Variants in MUSK observed in about 807,000 individuals in gnomAD.
The protein encoded by MUSK is muscle associated receptor tyrosine kinase, also known as muscle, skeletal receptor tyrosine-protein kinase.
MUSK carries 55 observed loss-of-function variants against 88.7 expected under a neutral mutation model. That is an observed-to-expected ratio of 0.62 (90% CI 0.50 to 0.78). The LOEUF (loss-of-function observed/expected upper bound fraction) is 0.78. Among genes scored for constraint, MUSK ranks in the 30% least tolerant of loss-of-function variants. The pLI, the probability that MUSK is intolerant of heterozygous loss-of-function variation, is 0.00. For synonymous variants in MUSK, 387 were observed against 391.9 expected, an observed-to-expected ratio of 0.99 and a Z score of 0.15; for missense variants, 1,015 against 1,074.3, an observed-to-expected ratio of 0.94 and a Z score of 0.77.
chr9:110,682,851 G>A, intron 2 of MUSK, 51 bp downstream of exon 2: 1 of 1,310,004 alleles, frequency 7.6e-7, no homozygotes, highest in Non-Finnish European at 1.1e-6. Context: ...TATATAGTAG[G>A]TGTATATATA....
intron 5 of MUSK, among the ~76,000 whole-genome samples, chr9:110,709,922 A>G (rs1176648674): frequency 6.6e-6 from 1 of 152,124 alleles, no homozygotes. Context: ...AGGCAGGAGG[A>G]TTGCTTGAGG....
In MUSK at chr9:110,707,996, C is replaced by G. The variant is rs187752900; in HGVS notation, c.628+10530C>G. On this transcript the variant is annotated intron_variant, in intron 5 of 14. Coordinates refer to ENST00000374448, the MANE Select transcript of MUSK (RefSeq NM_005592.4). ...CTGCACTATCTACCCTTAAGGCCAACAAATCTATTCAGAAACTTTTTATCT... is the reference window on the plus strand; with the variant it reads ...CTGCACTATCTACCCTTAAGGCCAAGAAATCTATTCAGAAACTTTTTATCT... Among the ~76,000 whole-genome samples the G allele has an allele frequency of 2.8e-4, 42 of 152,162 alleles. 1 individual carries two copies. In the East Asian group the frequency reaches 7.1e-3, roughly 26 times the overall value.
chr9:110,785,728 C>A lies in MUSK; in HGVS notation c.1778+10C>A. 1 of 1,570,614 alleles carries A rather than the reference C, an allele frequency of 6.4e-7. No homozygotes were observed. The highest frequency in any genetic ancestry group is 1.2e-5 in the South Asian group (1 of 82,654). ...GGGTGTTTCAAGCAAGGTAAAGTTA[C>A]CTATGGAAAAAAAAACTCCATTGAA... On this transcript the variant is annotated intron_variant, in intron 13 of 14. Transcript: ENST00000374448.
chr9:110,787,571 C>A (rs989315379), intron 13 of MUSK, 119 bp from the exon 14 acceptor site: 60 of 916,924 alleles, frequency 6.5e-5, no homozygotes, highest in Non-Finnish European at 9.2e-5. Flanking sequence ...GGAAAGGCTG[C>A]GTGAGACTTA....
intron 8 of MUSK, among the ~76,000 whole-genome samples, chr9:110,762,677 C>T (rs2077419377): frequency 6.6e-6 from 1 of 152,060 alleles, no homozygotes; most frequent in Non-Finnish European, 1.5e-5. Flanking sequence ...TGCCAAACTC[C>T]CCCTTATAGC....
chr9:110,721,908 A>T (rs1340520161), intron 5 of MUSK, among the ~76,000 whole-genome samples: 1 of 152,196 alleles, frequency 6.6e-6, no homozygotes, highest in East Asian at 1.9e-4. Flanking sequence ...AGATCAGTGG[A>T]ACTGAATTGT....
rs138851017 is a variant in MUSK, at chr9:110,789,142, G to T, written c.1927+1304G>T. 1.4e-4 allele frequency among the ~76,000 whole-genome samples: 21 copies of T among 152,312 alleles called. No homozygotes were observed. The East Asian group carries it at 3.9e-3, about 28-fold the overall frequency. ...ACATGACACAACTCACATTTTTTCA[G>T]ATCTTCTCTGGCTGCTTTCTTGAGC... On this transcript the variant is annotated intron_variant, in intron 14 of 14. Coordinates refer to ENST00000374448, the MANE Select transcript of MUSK (RefSeq NM_005592.4).
At chr9:110,782,931 C>A (rs1407958616) in intron 11 of MUSK, among the ~76,000 whole-genome samples, 1 of 152,116 alleles carries the variant, frequency 6.6e-6, no homozygotes, top group Non-Finnish European at 1.5e-5. Context: ...CAGTGGTGAC[C>A]AGGCCTGGCA....
Position 110,747,625 on chromosome 9 carries a change from T to G in MUSK, c.754-16T>G. On this transcript the variant is annotated splice_polypyrimidine_tract_variant and intron_variant, in intron 6 of 14. Transcript: ENST00000374448. The stretch of plus-strand genomic sequence containing the variant: ...AATCCTTGACTGAGTTCTTTTATTT[T>G]CCTTTACTCTGTCAGGTTTCTTCTG... 1 of 1,600,098 alleles carries G rather than the reference T, an allele frequency of 6.2e-7. No individual in the cohort carries two copies. Among genetic ancestry groups the G allele is most frequent in the Admixed American group, 1.7e-5 (1 of 59,340 alleles).
chr9:110,749,067 T>A (rs988848033), intron 7 of MUSK, among the ~76,000 whole-genome samples: 2 of 152,134 alleles, frequency 1.3e-5, no homozygotes, highest in Admixed American at 6.5e-5. Context: ...TATAATCATA[T>A]AATATAAATA....
At chr9:110,779,017 A>G (rs2077711274) in intron 11 of MUSK, among the ~76,000 whole-genome samples, 1 of 151,644 alleles carries the variant, frequency 6.6e-6, no homozygotes, top group African/African-American at 2.4e-5. Flanking sequence ...ATGATCAGCT[A>G]CTATTTTGCC....
At chr9:110,709,079 A>T (rs1199859658) in intron 5 of MUSK, among the ~76,000 whole-genome samples, 1 of 152,202 alleles carries the variant, frequency 6.6e-6, no homozygotes, top group African/African-American at 2.4e-5. Flanking sequence ...TCCAGGTGCG[A>T]CATGAGACAG....
At chr9:110,782,434 T>C (rs768238125) in intron 11 of MUSK, among the ~76,000 whole-genome samples, 4 of 152,180 alleles carry the variant, frequency 2.6e-5, no homozygotes, top group Non-Finnish European at 4.4e-5. Flanking sequence ...TCTTGCATTT[T>C]AAAAAAACTC....
At chr9:110,722,155 GAA>G (rs2076821215) in intron 5 of MUSK, among the ~76,000 whole-genome samples, 1 of 152,146 alleles carries the variant, frequency 6.6e-6, no homozygotes, top group Admixed American at 6.6e-5. Flanking sequence ...GATAACATCA[GAA>G]AAACTCTTCT....
At chr9:110,715,170 G>C (rs958854963) in intron 5 of MUSK, among the ~76,000 whole-genome samples, 2 of 149,814 alleles carry the variant, frequency 1.3e-5, no homozygotes, top group African/African-American at 5.1e-5. Context: ...ATATCCTAGA[G>C]ATCAAAAAAG....
In MUSK at chr9:110,755,937, T is replaced by TATATATAC. The variant is rs1564268542; in HGVS notation, c.914-6258_914-6257insCATATATA. On this transcript the variant is annotated intron_variant, in intron 7 of 14. Coordinates refer to ENST00000374448, the MANE Select transcript of MUSK (RefSeq NM_005592.4). Reference sequence around the variant, plus strand: ...GCCCAGTGCCATATATATATACATATATATATATATATACACATATATATA... The same window carrying TATATATAC: ...GCCCAGTGCCATATATATATACATATATATATACATATATATATATACACATATATATA... Among the ~76,000 whole-genome samples, 224 of 88,356 alleles carry TATATATAC rather than the reference T, an allele frequency of 2.5e-3. 4 individuals are homozygous for TATATATAC. The highest frequency in any genetic ancestry group is 5.5e-3 in the Middle Eastern group (1 of 182). The allele number at this position is 88,356 out of a possible 152,430, so 58.0% of individuals were successfully genotyped here.
At position 110,680,894 on chromosome 9, in the gene MUSK, TAATA is replaced by T. The variant is rs2076099739; in HGVS notation, c.80-1779_80-1776del. 4.5e-5 allele frequency among the ~76,000 whole-genome samples: 6 copies of T among 132,934 alleles called. No individual in the cohort carries two copies. The South Asian group carries it at 1.3e-3, about 30-fold the overall frequency. 87.2% of individuals were successfully genotyped at this position (132,934 alleles called of 152,430 possible). A position where few individuals can be genotyped will look rare whatever the true frequency, so the allele number is the denominator to read the frequency against. ...TACTTTATATCTCCTAACTATTCTTTAATAGTGTCCATGTCTGTATTTCTTTGTA... is the reference window on the plus strand; with the variant it reads ...TACTTTATATCTCCTAACTATTCTTTGTGTCCATGTCTGTATTTCTTTGTA... On this transcript the variant is annotated intron_variant, in intron 1 of 14. Coordinates refer to ENST00000374448, the MANE Select transcript of MUSK (RefSeq NM_005592.4).
At chr9:110,670,231 T>C (rs1041130092) in intron 1 of MUSK, among the ~76,000 whole-genome samples, 1 of 152,222 alleles carries the variant, frequency 6.6e-6, no homozygotes, top group African/African-American at 2.4e-5. Context: ...AGACTCTAGA[T>C]CTTTTCAAAC....
intron 1 of MUSK, among the ~76,000 whole-genome samples, chr9:110,672,342 C>T (rs2075968877): frequency 6.6e-6 from 1 of 152,098 alleles, no homozygotes; most frequent in Non-Finnish European, 1.5e-5. Flanking sequence ...ATGAGAGGAT[C>T]ACATGGGCCA....
Sources: gnomAD v4.1 joint callset for allele counts (sites outside exome capture counted in the v4.1 genomes callset) on GRCh38, gnomAD v4.1.1 for gene constraint, MANE v1.5 for transcripts, NCBI Gene and HGNC (gene_info 2026-07-23, HGNC 2026-07-21) for gene names.